TLCD3B: variants seen among roughly 807,000 people sequenced by gnomAD.
TLCD3B encodes the protein ceramide synthase.
A neutral mutation model predicts 23.0 loss-of-function variants in TLCD3B; 9 were observed. The ratio of observed to expected loss-of-function variants is 0.39; its 90% CI spans 0.24 to 0.68. The LOEUF is 0.68. Among genes scored for constraint, TLCD3B ranks in the 30% least tolerant of loss-of-function variants. The pLI, the probability that TLCD3B is intolerant of heterozygous loss-of-function variation, is 0.44. For synonymous variants in TLCD3B, 161 were observed against 161.0 expected, an observed-to-expected ratio of 1.00 and a Z score of 0.00; for missense variants, 307 against 371.8, an observed-to-expected ratio of 0.83 and a Z score of 1.43.
At position 30,029,193 on chromosome 16, in the gene TLCD3B, G is replaced by T. The variant is rs1294335614; in HGVS notation, c.209+239C>A. Among the ~76,000 whole-genome samples, 1 of 152,170 alleles carries T rather than the reference G, an allele frequency of 6.6e-6. No homozygotes were observed. The highest frequency in any genetic ancestry group is 1.5e-5 in the Non-Finnish European group (1 of 68,014). ...GAGACCTGGAAGCCGACTAGAAAGC[G>T]CTTTGAGGATCCTCTCTGATCCCCG... On this transcript the variant is annotated intron_variant, in intron 2 of 4. Transcript: ENST00000380495. This position sits in a 1 kb window ranked among gnomAD's most constrained non-coding sequence, Gnocchi z 4.6.
rs1016257495 is a variant in TLCD3B at position 30,025,625 on chromosome 16, G to T, written c.540+101C>A. ...TGCTCAAAATGCACGGGGTGAGGGG[G>T]GGATGACGAAGGGGCTAGAGCCCTT... On this transcript the variant is annotated intron_variant, in intron 4 of 4. Coordinates refer to ENST00000380495, the MANE Select transcript of TLCD3B (RefSeq NM_031478.6). This position sits in a 1 kb window ranked among gnomAD's most constrained non-coding sequence, Gnocchi z 4.1. The T allele has an allele frequency of 3.4e-6, 5 of 1,471,556 alleles. No individual in the cohort carries two copies. Among genetic ancestry groups the T allele is most frequent in the Non-Finnish European group, 4.7e-6 (5 of 1,052,858 alleles). The allele number at this position is 1,471,556 out of a possible 1,614,324, so 91.2% of individuals were successfully genotyped here. A position where few individuals can be genotyped will look rare whatever the true frequency, so the allele number is the denominator to read the frequency against.
chr16:30,040,619 TGAG>T (rs2071566646), intron 3 of TLCD3B, among the ~76,000 whole-genome samples: 1 of 150,820 alleles, frequency 6.6e-6, no homozygotes, highest in Non-Finnish European at 1.5e-5. Flanking sequence ...GCAGAAGGAG[TGAG>T]GAGGAGTAGC....
At position 30,045,539 on chromosome 16, in the gene TLCD3B, T is replaced by G. The variant is rs2071656943; in HGVS notation, c.-229+784A>C. On this transcript the variant is annotated intron_variant, in intron 2 of 6. Transcript: ENST00000561666. ...TGTGGTGTGTGTGGTATGTGTGGTG[T>G]GTGTGTGTGGTGTATGTGGTGTGTG... 4.3e-5 allele frequency among the ~76,000 whole-genome samples: 6 copies of G among 139,878 alleles called. No individual in the cohort carries two copies. The South Asian group carries it at 1.4e-3, about 32-fold the overall frequency. The allele number at this position is 139,878 out of a possible 152,430, so 91.8% of individuals were successfully genotyped here.
intron 2 of TLCD3B, chr16:30,027,483 C>T: frequency 2.3e-6 from 1 of 437,774 alleles, no homozygotes; most frequent in Non-Finnish European, 4.7e-6. Flanking sequence ...TCCCCACCAT[C>T]CCCAGAAGAT....
At chr16:30,047,317 G>A (rs1596781175) in intron 1 of TLCD3B, among the ~76,000 whole-genome samples, 1 of 151,766 alleles carries the variant, frequency 6.6e-6, no homozygotes, top group Non-Finnish European at 1.5e-5. Context: ...TTGCTTTTTG[G>A]TTTTGGGTTT....
intron 3 of TLCD3B, chr16:30,036,514 A>G (rs2071477447): frequency 5.2e-6 from 5 of 953,112 alleles, no homozygotes; most frequent in Non-Finnish European, 6.9e-6. Flanking sequence ...CTCGGGATAA[A>G]AGGAAGGTGT....
Position 30,025,253 on chromosome 16 carries a change from A to T in TLCD3B, c.755T>A (p.Ile252Asn). The T allele has an allele frequency of 6.5e-7, 1 of 1,534,826 alleles. No homozygotes were observed. Among genetic ancestry groups the T allele is most frequent in the Non-Finnish European group, 8.8e-7 (1 of 1,141,582 alleles). The change falls in exon 5 of 5, where the codon ATC becomes AAC. Residue 252 changes from isoleucine to asparagine, a missense_variant. Physicochemically the swap from Ile to Asn is moderately radical, Grantham distance 149 (BLOSUM62 -3). Coordinates refer to ENST00000380495, the MANE Select transcript of TLCD3B (RefSeq NM_031478.6). This position sits in a 1 kb window ranked among gnomAD's most constrained non-coding sequence, Gnocchi z 4.1. ...GAAGAGGCGGCAGGCCCCACGGCAG[A>T]TGAGGAAGAACCAGTAGAGCTGAGG... ...LAPQLYWFFLICRGACRLFWP... is the reference protein window; with the variant it reads ...LAPQLYWFFLNCRGACRLFWP...
rs950248046 is a variant in TLCD3B at position 30,029,300 on chromosome 16, T to C, written c.209+132A>G. On this transcript the variant is annotated intron_variant, in intron 2 of 4. Transcript: ENST00000380495. This position sits in a 1 kb window ranked among gnomAD's most constrained non-coding sequence, Gnocchi z 4.6. Reference sequence around the variant, plus strand: ...GGTGTTGAGTTGCGGTTATTGCAGTTAACTTGCTCAGGCCCAAGTTAAGGG... The same window carrying C: ...GGTGTTGAGTTGCGGTTATTGCAGTCAACTTGCTCAGGCCCAAGTTAAGGG... 6 of 743,676 alleles carry C rather than the reference T, an allele frequency of 8.1e-6. No homozygotes were observed. The highest frequency in any genetic ancestry group is 1.7e-5 in the African/African-American group (1 of 57,704). 46.1% of individuals were successfully genotyped at this position (743,676 alleles called of 1,614,324 possible).
intron 3 of TLCD3B, among the ~76,000 whole-genome samples, chr16:30,038,663 T>A (rs1314080261): frequency 3.3e-5 from 5 of 152,042 alleles, no homozygotes; most frequent in Non-Finnish European, 7.4e-5. Flanking sequence ...GGCAGGAGAA[T>A]CGCTTGAACC....
chr16:30,031,685 G>T (rs1239238602), upstream of TLCD3B, among the ~76,000 whole-genome samples: 1 of 152,190 alleles, frequency 6.6e-6, no homozygotes, highest in Non-Finnish European at 1.5e-5. Context: ...AGAGCCAGAG[G>T]CCCCCTCACC....
Position 30,024,456 on chromosome 16 carries a change from C to A in TLCD3B, c.*727G>T, listed in dbSNP as rs1319415211. ...GTTCACGCAGATCGTCTTTTATTAGCGGTCTGTAAAGCACCTCCCAGGGTC... is the reference window on the plus strand; with the variant it reads ...GTTCACGCAGATCGTCTTTTATTAGAGGTCTGTAAAGCACCTCCCAGGGTC... On this transcript the variant is annotated 3_prime_UTR_variant, in exon 5 of 5. Transcript: ENST00000380495. The A allele has an allele frequency of 1.6e-6, 1 of 630,152 alleles. No individual in the cohort carries two copies. Among genetic ancestry groups the A allele is most frequent in the Non-Finnish European group, 2.7e-6 (1 of 368,696 alleles). 39.0% of individuals were successfully genotyped at this position (630,152 alleles called of 1,614,324 possible).
chr16:30,033,469 T>A (rs1251808857), upstream of TLCD3B: 1 of 152,146 alleles, frequency 6.6e-6, no homozygotes, highest in Non-Finnish European at 1.5e-5. Flanking sequence ...GACACCCTAG[T>A]AAAATCTGTG....
chr16:30,037,083 AAAAT>A (rs574446126), intron 3 of TLCD3B, among the ~76,000 whole-genome samples: 7 of 149,890 alleles, frequency 4.7e-5, no homozygotes, highest in Non-Finnish European at 5.9e-5. Context: ...TCTGTCTCAA[AAAAT>A]AAATAAATAA....
chr16:30,024,814 G>C lies in TLCD3B; in HGVS notation c.*369C>G. ...CTCCTCTCGGGTGATGGGGAGCCCT[G>C]GGGGATGGCAGCATAGGGGCTGGGA... On this transcript the variant is annotated 3_prime_UTR_variant, in exon 5 of 5. Coordinates refer to ENST00000380495, the MANE Select transcript of TLCD3B (RefSeq NM_031478.6). 4.3e-6 allele frequency: 1 copy of C among 232,762 alleles called. No individual in the cohort carries two copies. Among genetic ancestry groups the C allele is most frequent in the Non-Finnish European group, 8.2e-6 (1 of 121,724 alleles). 14.4% of individuals were successfully genotyped at this position (232,762 alleles called of 1,614,324 possible). A position where few individuals can be genotyped will look rare whatever the true frequency, so the allele number is the denominator to read the frequency against.
At position 30,029,854 on chromosome 16, in the gene TLCD3B, C is replaced by T. The variant is rs987202606; in HGVS notation, c.126-339G>A. On this transcript the variant is annotated intron_variant, in intron 1 of 4. Coordinates refer to ENST00000380495, the MANE Select transcript of TLCD3B (RefSeq NM_031478.6). The surrounding 1 kb of genome is among the most constrained non-coding windows in gnomAD (Gnocchi z 4.6). ...AACTGCTGGCCTGGACCTCTCCCCA[C>T]GAGGGGAGCCTGGGCCGGTTCTTGC... Among the ~76,000 whole-genome samples, 12 of 152,308 alleles carry T rather than the reference C, an allele frequency of 7.9e-5. No individual in the cohort carries two copies. Among genetic ancestry groups the T allele is most frequent in the Non-Finnish European group, 1.0e-4 (7 of 68,026 alleles).
chr16:30,049,732 C>T (rs1162591574), intron 1 of TLCD3B, among the ~76,000 whole-genome samples: 1 of 152,092 alleles, frequency 6.6e-6, no homozygotes, highest in East Asian at 1.9e-4. Context: ...TAAGACTAGC[C>T]TGGCCAACAT....
chr16:30,045,224 G>A (rs1227523603), intron 2 of TLCD3B, among the ~76,000 whole-genome samples: 2 of 151,024 alleles, frequency 1.3e-5, no homozygotes, highest in African/African-American at 4.9e-5. Flanking sequence ...ATTGGAAAGA[G>A]AAAGAGAGTA....
chr16:30,045,116 A>AAAAAAAAAAAAAAAT (rs1208239281), intron 2 of TLCD3B, among the ~76,000 whole-genome samples: 1 of 151,084 alleles, frequency 6.6e-6, no homozygotes. Flanking sequence ...AAAAAAAAAA[A>AAAAAAAAAAAAAAAT]AAAGAACAAA....
At chr16:30,047,523 T>C (rs370116599) in intron 1 of TLCD3B, among the ~76,000 whole-genome samples, 84 of 152,236 alleles carry the variant, frequency 5.5e-4, no homozygotes, top group African/African-American at 2.0e-3. Flanking sequence ...GGTTTTACCA[T>C]GTTGGCCAGG....
Sources: gnomAD v4.1 joint callset for allele counts (sites outside exome capture counted in the v4.1 genomes callset) on GRCh38, gnomAD v4.1.1 for gene constraint, Gnocchi (gnomAD v3.1) non-coding constraint, MANE v1.5 for transcripts, NCBI Gene and HGNC (gene_info 2026-07-23, HGNC 2026-07-21) for gene names.